TBX10: variants seen among roughly 807,000 people sequenced by gnomAD.
The protein encoded by TBX10 is T-box transcription factor TBX10.
A neutral mutation model predicts 32.4 loss-of-function variants in TBX10; 26 were observed. The observed-to-expected ratio is 0.80, with a 90% CI of 0.59 to 1.11. TBX10 has a LOEUF of 1.11. TBX10 is among the 50% of genes most tolerant of loss of function. The pLI is 0.00. For missense variants in TBX10, 490 were observed against 494.5 expected (o/e 0.99, Z 0.09); for synonymous variants, 195 against 203.1 (o/e 0.96, Z 0.34).
At chr11:67,639,393 T>TCCCCCCCCCCCCCCCCCCCCCC in intron 1 of TBX10, 73 bp downstream of exon 1, 2 of 726,924 alleles carry the variant, frequency 2.8e-6, no homozygotes, top group Non-Finnish European at 2.5e-6. Flanking sequence ...CTGTCTTGGT[T>TCCCCCCCCCCCCCCCCCCCCCC]CCCACCCTGC....
chr11:67,634,824 C>T lies in TBX10; in HGVS notation c.369G>A (p.Lys123=). Residue 123 remains lysine, a synonymous_variant, in exon 3 of 8, where the codon AAG becomes AAA. Transcript: ENST00000335385. ...LLMDFIPLDD[K]RYRYAFHSSA... ...CAGGCCGGTCCCCGCACCTGTATCT[C>T]TTGTCGTCCAGGGGGATGAAGTCCA... The T allele has an allele frequency of 6.2e-7, 1 of 1,613,524 alleles. No individual in the cohort carries two copies. The highest frequency in any genetic ancestry group is 8.5e-7 in the Non-Finnish European group (1 of 1,180,030).
rs1171723832 is a variant in TBX10, at chr11:67,634,841, T to G, written c.352A>C (p.Ile118Leu). The G allele has an allele frequency of 6.2e-6, 10 of 1,613,470 alleles. No homozygotes were observed. Among genetic ancestry groups the G allele is most frequent in the Non-Finnish European group, 8.5e-6 (10 of 1,179,988 alleles). ...CTGTATCTCTTGTCGTCCAGGGGGA[T>G]GAAGTCCATGAGCAGGGCGTAGTCG... ...LADYALLMDF[I>L]PLDDKRYRYA... is the part of the protein sequence containing the mutation. The change falls in exon 3 of 8, where the codon ATC (isoleucine) becomes CTC (leucine). Residue 118 changes from isoleucine to leucine, a missense_variant. By Grantham distance (5) the Ile-to-Leu change is conservative. Coordinates refer to ENST00000335385, the MANE Select transcript of TBX10 (RefSeq NM_005995.5).
At chr11:67,639,408 C>T in intron 1 of TBX10, 58 bp downstream of exon 1, 1 of 1,478,864 alleles carries the variant, frequency 6.8e-7, no homozygotes, top group Non-Finnish European at 9.4e-7. Context: ...CCCTGCCCAC[C>T]CACCCTGGAA....
upstream of TBX10, among the ~76,000 whole-genome samples, chr11:67,639,946 C>T (rs191690634): frequency 2.2e-4 from 34 of 152,242 alleles, no homozygotes; most frequent in African/African-American, 7.7e-4. Flanking sequence ...TTCTTGAGGA[C>T]GGCTGGGCAT....
chr11:67,636,283 A>G (rs1347164593), intron 1 of TBX10, among the ~76,000 whole-genome samples: 2 of 145,436 alleles, frequency 1.4e-5, no homozygotes, highest in Non-Finnish European at 3.0e-5. Context: ...GGATCTCCCT[A>G]TGTTGCCCAG....
intron 5 of TBX10, 129 bp from the exon 6 acceptor site, chr11:67,632,799 A>C (rs1303057212): frequency 3.8e-5 from 59 of 1,540,426 alleles, no homozygotes; most frequent in Non-Finnish European, 5.1e-5. Flanking sequence ...AGCTGATAGG[A>C]GTGCGGGCAG....
At position 67,631,385 on chromosome 11, in the gene TBX10, G is replaced by C; in HGVS notation, c.*220C>G. The C allele has an allele frequency of 3.2e-6, 2 of 617,946 alleles. No homozygotes were observed. The highest frequency in any genetic ancestry group is 5.6e-6 in the Non-Finnish European group (2 of 354,568). 38.3% of individuals were successfully genotyped at this position (617,946 alleles called of 1,614,324 possible). A position where few individuals can be genotyped will look rare whatever the true frequency, so the allele number is the denominator to read the frequency against. ...GTTACCCCCAAAGCAAGAGGGCACA[G>C]TATTCAGGCTGCTGGGGTTGGGAGA... On this transcript the variant is annotated 3_prime_UTR_variant, in exon 8 of 8. Transcript: ENST00000335385.
intron 4 of TBX10, among the ~76,000 whole-genome samples, chr11:67,633,945 C>T (rs952038618): frequency 1.3e-5 from 2 of 152,200 alleles, no homozygotes; most frequent in African/African-American, 4.8e-5. Flanking sequence ...ACCTTGTCCT[C>T]CCTCTCCTTG....
At position 67,632,532 on chromosome 11, in the gene TBX10, G is replaced by C. The variant is rs926827084; in HGVS notation, c.773+71C>G. On this transcript the variant is annotated intron_variant, in intron 6 of 7. Coordinates refer to ENST00000335385, the MANE Select transcript of TBX10 (RefSeq NM_005995.5). ...GTCAGAGGGTGTGACCCTGAAACAA[G>C]GGTCAGGAACTGAGGCCTTAGGATA... The C allele has an allele frequency of 1.9e-6, 3 of 1,595,258 alleles. No homozygotes were observed. The African/African-American group carries it at 4.0e-5, about 21-fold the overall frequency.
At position 67,632,408 on chromosome 11, in the gene TBX10, C is replaced by T. The variant is rs1187940468; in HGVS notation, c.778G>A (p.Val260Met). The change falls in exon 7 of 8, where the codon GTG becomes ATG. Residue 260 changes from valine (V) to methionine (M), a missense_variant. This residue lies in a region of TBX10 where 177 missense variants were observed against 176.6 expected (regional missense o/e 1.00). Coordinates refer to ENST00000335385, the MANE Select transcript of TBX10 (RefSeq NM_005995.5). Reference protein sequence around the residue: ...FRESDLDSWPVAPRPLLSVPA... With the variant: ...FRESDLDSWPMAPRPLLSVPA... ...ACACTGAGCAGGGGCCGTGGGGCCA[C>T]AGGCCTGAAAGAGCAAGCGAGAATG... The T allele has an allele frequency of 1.2e-6, 2 of 1,610,042 alleles. No individual in the cohort carries two copies. Among genetic ancestry groups the T allele is most frequent in the Non-Finnish European group, 1.7e-6 (2 of 1,177,978 alleles).
rs549118300 is a variant in TBX10 at position 67,634,478 on chromosome 11, C to A, written c.378-118G>T. ...ACTGCTCACCCCACCTGGTGGGCACCTTGCTAAGGAACCCAAGGCTCAAGA... is the reference window on the plus strand; with the variant it reads ...ACTGCTCACCCCACCTGGTGGGCACATTGCTAAGGAACCCAAGGCTCAAGA... On this transcript the variant is annotated intron_variant, in intron 3 of 7. Transcript: ENST00000335385. 3.2e-5 allele frequency: 39 copies of A among 1,232,988 alleles called. No individual in the cohort carries two copies. The South Asian group carries it at 5.0e-4, about 16-fold the overall frequency. 76.4% of individuals were successfully genotyped at this position (1,232,988 alleles called of 1,614,324 possible).
Position 67,631,496 on chromosome 11 carries a change from C to T in TBX10, c.*109G>A. 7.1e-7 allele frequency: 1 copy of T among 1,411,256 alleles called. No individual in the cohort carries two copies. The highest frequency in any genetic ancestry group is 9.6e-7 in the Non-Finnish European group (1 of 1,036,986). 87.4% of individuals were successfully genotyped at this position (1,411,256 alleles called of 1,614,324 possible). On this transcript the variant is annotated 3_prime_UTR_variant, in exon 8 of 8. Transcript: ENST00000335385. ...CCTCTTTCTCTAGACTTTCACCTAC[C>T]CTGCTCTCCTTGAGACAGAGATGGG...
In TBX10 at chr11:67,632,405, C is replaced by A. The variant is rs751823266; in HGVS notation, c.781G>T (p.Ala261Ser). Residue 261 changes from alanine (A) to serine (S), a missense_variant, in exon 7 of 8, where the codon GCC (alanine) becomes TCC (serine). Physicochemically the swap from Ala to Ser is moderately conservative, Grantham distance 99. Transcript: ENST00000335385. ...GGGACACTGAGCAGGGGCCGTGGGG[C>A]CACAGGCCTGAAAGAGCAAGCGAGA... is the stretch of plus-strand genomic sequence containing the variant. ...RESDLDSWPV[A>S]PRPLLSVPAR... The A allele has an allele frequency of 5.5e-5, 89 of 1,612,250 alleles. No homozygotes were observed. Among genetic ancestry groups the A allele is most frequent in the Non-Finnish European group, 7.0e-5 (83 of 1,179,930 alleles).
intron 1 of TBX10, 77 bp from the exon 2 acceptor site, chr11:67,635,340 C>T (rs971751503): frequency 7.5e-6 from 12 of 1,596,396 alleles, no homozygotes; most frequent in Middle Eastern, 3.8e-4. Context: ...ACCTATATGC[C>T]TCTTCCTCCA....
At chr11:67,634,071 G>A (rs530850469) in intron 4 of TBX10, 118 bp downstream of exon 4, 43 of 1,121,300 alleles carry the variant, frequency 3.8e-5, no homozygotes, top group Admixed American at 1.9e-4. Flanking sequence ...CCGGCTCCCC[G>A]CCCTGCCTTG....
chr11:67,637,458 C>T (rs529673782), intron 1 of TBX10, among the ~76,000 whole-genome samples: 1 of 152,334 alleles, frequency 6.6e-6, no homozygotes, highest in Admixed American at 6.5e-5. Context: ...GACGTGTCCA[C>T]CCTACTGCTG....
At chr11:67,635,668 G>T (rs991301946) in intron 1 of TBX10, among the ~76,000 whole-genome samples, 8 of 123,070 alleles carry the variant, frequency 6.5e-5, no homozygotes, top group Non-Finnish European at 1.1e-4. Flanking sequence ...AACAGCACCT[G>T]TTCTAGATGA....
At chr11:67,641,192 C>A (rs947367970), upstream of TBX10, among the ~76,000 whole-genome samples, 23 of 152,048 alleles carry the variant, frequency 1.5e-4, no homozygotes, top group African/African-American at 4.8e-4. Context: ...CACCGAGACA[C>A]CCAGGGGAGG....
intron 1 of TBX10, 58 bp downstream of exon 1, chr11:67,639,408 C>CCCCCCCCCCGGAA: frequency 6.8e-7 from 1 of 1,478,874 alleles, no homozygotes; most frequent in Non-Finnish European, 9.4e-7. Flanking sequence ...CCCTGCCCAC[C>CCCCCCCCCCGGAA]CACCCTGGAA....
Sources: gnomAD v4.1 joint callset for allele counts (sites outside exome capture counted in the v4.1 genomes callset) on GRCh38, gnomAD v4.1.1 for gene constraint, gnomAD v4.1.1 regional missense constraint, MANE v1.5 for transcripts, NCBI Gene and HGNC (gene_info 2026-07-23, HGNC 2026-07-21) for gene names.